Variants in TRIQK observed in about 807,000 individuals in gnomAD.
The protein encoded by TRIQK is triple QxxK/R motif-containing protein.
TRIQK carries 10 observed loss-of-function variants against 10.8 expected under a neutral mutation model. The ratio of observed to expected loss-of-function variants is 0.92; its 90% confidence interval spans 0.57 to 1.57. The LOEUF (loss-of-function observed/expected upper bound fraction) is 1.57. Ranked by LOEUF, TRIQK falls within the 40% of genes most tolerant of loss-of-function variation. TRIQK has a pLI of 0.00. For missense variants in TRIQK, 107 were observed against 97.7 expected (o/e 1.09, Z -0.40); for synonymous variants, 33 against 33.7 (o/e 0.98, Z 0.07).
upstream of TRIQK, among the ~76,000 whole-genome samples, chr8:92,966,526 A>G (rs1472290319): frequency 6.6e-6 from 1 of 152,222 alleles, no homozygotes; most frequent in African/African-American, 2.4e-5. Context: ...AAATCGTTTT[A>G]TATTAACATT....
intron 1 of TRIQK, chr8:92,965,039 A>C (rs930354346): frequency 5.3e-5 from 8 of 152,190 alleles, no homozygotes; most frequent in African/African-American, 1.7e-4. Context: ...TAGGAGACAG[A>C]GTATATGAGC....
chr8:92,917,449 T>C (rs1243516501), intron 2 of TRIQK, among the ~76,000 whole-genome samples: 1 of 152,052 alleles, frequency 6.6e-6, no homozygotes, highest in Non-Finnish European at 1.5e-5. Context: ...TTGTATTTTA[T>C]TTTAAAAAGC....
chr8:92,913,808 T>C (rs769397780), intron 3 of TRIQK, among the ~76,000 whole-genome samples: 2 of 152,174 alleles, frequency 1.3e-5, no homozygotes, highest in Non-Finnish European at 2.9e-5. Context: ...AATGAGTTCA[T>C]GTCCTTTGCA....
At chr8:92,929,369 A>T (rs1178324719) in intron 2 of TRIQK, 4 of 152,196 alleles carry the variant, frequency 2.6e-5, no homozygotes, top group African/African-American at 4.8e-5. Flanking sequence ...TAAAACAAGA[A>T]ATAAGAAAAC....
chr8:92,975,745 T>C (rs1003990541), intron 1 of TRIQK, among the ~76,000 whole-genome samples: 1 of 152,038 alleles, frequency 6.6e-6, no homozygotes, highest in Non-Finnish European at 1.5e-5. Flanking sequence ...TTTAGTTACT[T>C]TAGATAGAGA....
At chr8:92,896,979 G>T (rs1199945478) in intron 3 of TRIQK, among the ~76,000 whole-genome samples, 1 of 151,890 alleles carries the variant, frequency 6.6e-6, no homozygotes, top group African/African-American at 2.4e-5. Flanking sequence ...ACCACGCCTG[G>T]CTAATTTTTG....
At chr8:92,917,466 T>C (rs1809925262) in intron 2 of TRIQK, among the ~76,000 whole-genome samples, 1 of 152,030 alleles carries the variant, frequency 6.6e-6, no homozygotes, top group Non-Finnish European at 1.5e-5. Context: ...AAGCATAACA[T>C]ATACATACAA....
intron 3 of TRIQK, among the ~76,000 whole-genome samples, chr8:92,897,663 A>C (rs1808682797): frequency 6.6e-6 from 1 of 152,166 alleles, no homozygotes. Context: ...ACCCAGTCTC[A>C]GGTATTCTGT....
intron 3 of TRIQK, among the ~76,000 whole-genome samples, chr8:92,906,421 T>C (rs1238876445): frequency 6.6e-6 from 1 of 152,146 alleles, no homozygotes; most frequent in East Asian, 1.9e-4. Flanking sequence ...TGACCAATCA[T>C]AAAATTTAAT....
intron 1 of TRIQK, among the ~76,000 whole-genome samples, chr8:92,996,508 T>C (rs1339095742): frequency 6.6e-6 from 1 of 152,024 alleles, no homozygotes; most frequent in Non-Finnish European, 1.5e-5. Flanking sequence ...CAAGTGGCTA[T>C]ATGTATGTGA....
chr8:92,962,318 T>C (rs1210456041), intron 1 of TRIQK, among the ~76,000 whole-genome samples: 1 of 152,150 alleles, frequency 6.6e-6, no homozygotes, highest in East Asian at 1.9e-4. Context: ...TCTACTGATA[T>C]CAAAAACACA....
intron 1 of TRIQK, among the ~76,000 whole-genome samples, chr8:93,006,983 C>A (rs920639251): frequency 2.0e-5 from 3 of 152,336 alleles, no homozygotes; most frequent in Non-Finnish European, 2.9e-5. Flanking sequence ...GCGCAGTGCA[C>A]CCCCATCGCC....
At chr8:92,899,212 G>A (rs1808789872) in intron 3 of TRIQK, among the ~76,000 whole-genome samples, 1 of 151,704 alleles carries the variant, frequency 6.6e-6, no homozygotes, top group East Asian at 1.9e-4. Flanking sequence ...TCAATCTCTT[G>A]ACCTCGTGAT....
chr8:92,971,290 G>A (rs1812875049), intron 1 of TRIQK, among the ~76,000 whole-genome samples: 1 of 152,030 alleles, frequency 6.6e-6, no homozygotes, highest in African/African-American at 2.4e-5. Context: ...TGGAAGATAT[G>A]GCCTGGGCAA....
intron 2 of TRIQK, among the ~76,000 whole-genome samples, chr8:92,935,881 T>G (rs925807209): frequency 2.6e-5 from 4 of 151,538 alleles, no homozygotes; most frequent in African/African-American, 9.7e-5. Flanking sequence ...CTGAAGAAGG[T>G]AGAGATCAAA....
At chr8:92,889,100 CA>C (rs1444528023) in intron 4 of TRIQK, among the ~76,000 whole-genome samples, 1 of 151,592 alleles carries the variant, frequency 6.6e-6, no homozygotes, top group African/African-American at 2.4e-5. Flanking sequence ...AGTACCTCCT[CA>C]GTAGAAATCA....
At chr8:93,004,238 C>T (rs1813244397) in intron 1 of TRIQK, among the ~76,000 whole-genome samples, 1 of 152,226 alleles carries the variant, frequency 6.6e-6, no homozygotes, top group South Asian at 2.1e-4. Context: ...GAGGCTCCCA[C>T]ACCTCAGCTC....
At chr8:93,010,015 C>T (rs556724575) in intron 1 of TRIQK, among the ~76,000 whole-genome samples, 3 of 152,116 alleles carry the variant, frequency 2.0e-5, no homozygotes, top group African/African-American at 7.2e-5. Context: ...ATTAGCCAGA[C>T]ATAGAAAGAG....
chr8:92,898,514 A>T (rs1193744601), intron 3 of TRIQK, among the ~76,000 whole-genome samples: 1 of 152,044 alleles, frequency 6.6e-6, no homozygotes, highest in Non-Finnish European at 1.5e-5. Flanking sequence ...TGATTTTGAT[A>T]GTTTTCACCA....
Sources: allele counts gnomAD v4.1 joint callset (sites outside exome capture counted in the v4.1 genomes callset), GRCh38; gene constraint gnomAD v4.1.1; transcripts MANE v1.5; gene names NCBI Gene and HGNC (gene_info 2026-07-23, HGNC 2026-07-21).